CACNB2: variants seen among roughly 807,000 people sequenced by gnomAD.
The protein encoded by CACNB2 is voltage-dependent L-type calcium channel subunit beta-2.
Under a neutral mutation model 73.3 loss-of-function variants are expected in CACNB2, and 42 were observed. That is an observed-to-expected ratio of 0.57 (90% confidence interval 0.45 to 0.74). The LOEUF is 0.74. Among genes scored for constraint, CACNB2 ranks in the 30% least tolerant of loss-of-function variants. The pLI, the probability that CACNB2 is intolerant of heterozygous loss-of-function variation, is 0.00. For missense variants in CACNB2, 940 were observed against 853.0 expected (o/e 1.10, Z -1.27); for synonymous variants, 348 against 310.3 (o/e 1.12, Z -1.28).
At chr10:18,430,182 G>A (rs926081453) in intron 3 of CACNB2, among the ~76,000 whole-genome samples, 18 of 151,516 alleles carry the variant, frequency 1.2e-4, no homozygotes, top group African/African-American at 3.9e-4. Flanking sequence ...AGAAGAAACC[G>A]TGTTTTTTAA....
At chr10:18,147,465 T>G (rs1245744922) in intron 1 of CACNB2, among the ~76,000 whole-genome samples, 1 of 152,132 alleles carries the variant, frequency 6.6e-6, no homozygotes, top group Non-Finnish European at 1.5e-5. Context: ...AATTAGTGAC[T>G]TTTGGGACTC....
chr10:18,359,760 C>G (rs957559364), intron 2 of CACNB2, among the ~76,000 whole-genome samples: 8 of 152,034 alleles, frequency 5.3e-5, no homozygotes, highest in Non-Finnish European at 1.2e-4. Context: ...TCTAGCCCCC[C>G]ACCCCCCAGC....
At chr10:18,253,983 C>T (rs780431383) in intron 2 of CACNB2, among the ~76,000 whole-genome samples, 5 of 152,072 alleles carry the variant, frequency 3.3e-5, no homozygotes, top group South Asian at 2.1e-4. Context: ...TTACATCATA[C>T]GAAGCTGAGG....
chr10:18,451,910 T>G (rs1011636406), intron 3 of CACNB2, among the ~76,000 whole-genome samples: 1 of 152,218 alleles, frequency 6.6e-6, no homozygotes, highest in Non-Finnish European at 1.5e-5. Context: ...GTTGTCTTCA[T>G]AATCTATTGT....
chr10:18,326,479 G>A (rs2131986447), intron 2 of CACNB2, among the ~76,000 whole-genome samples: 1 of 152,308 alleles, frequency 6.6e-6, no homozygotes, highest in East Asian at 1.9e-4. Context: ...GGGAGAAGGA[G>A]CGGGTGGAAG....
chr10:18,535,127 G>C (rs1192473587), intron 11 of CACNB2, among the ~76,000 whole-genome samples: 3 of 152,222 alleles, frequency 2.0e-5, no homozygotes, highest in East Asian at 3.8e-4. Flanking sequence ...TCTGAAGTCA[G>C]TGAACCATTA....
intron 3 of CACNB2, among the ~76,000 whole-genome samples, chr10:18,438,966 G>A (rs1358426790): frequency 6.6e-6 from 1 of 152,252 alleles, no homozygotes; most frequent in Admixed American, 6.5e-5. Flanking sequence ...AATGGCGTAG[G>A]CCAGCACGTG....
At chr10:18,202,898 T>C (rs1316125356) in intron 2 of CACNB2, among the ~76,000 whole-genome samples, 1 of 152,220 alleles carries the variant, frequency 6.6e-6, no homozygotes. Context: ...ACTGACACTG[T>C]ATAATTCAGT....
chr10:18,388,062 CA>C (rs2043309078), intron 2 of CACNB2, among the ~76,000 whole-genome samples: 1 of 152,124 alleles, frequency 6.6e-6, no homozygotes, highest in African/African-American at 2.4e-5. Context: ...TGGCCCAAGC[CA>C]TTTCTCATCC....
chr10:18,492,620 CAA>C (rs371407084), intron 3 of CACNB2, among the ~76,000 whole-genome samples: 3 of 90,498 alleles, frequency 3.3e-5, no homozygotes, highest in Non-Finnish European at 6.2e-5. Context: ...GACTCTGTCT[CAA>C]AAAAAAAAAA....
At chr10:18,519,723 T>A (rs947079610) in intron 9 of CACNB2, 38 of 456,108 alleles carry the variant, frequency 8.3e-5, no homozygotes, top group African/African-American at 7.6e-4. Flanking sequence ...ACAGGAAGAT[T>A]CCTTGAAAGA....
chr10:18,291,052 G>A (rs1294071761), intron 2 of CACNB2, among the ~76,000 whole-genome samples: 1 of 152,198 alleles, frequency 6.6e-6, no homozygotes, highest in African/African-American at 2.4e-5. Context: ...TCATGGAGCG[G>A]TTTCATCAAC....
At chr10:18,247,778 C>A (rs1286725129) in intron 2 of CACNB2, among the ~76,000 whole-genome samples, 1 of 152,122 alleles carries the variant, frequency 6.6e-6, no homozygotes, top group African/African-American at 2.4e-5. Flanking sequence ...AATTTTAGAT[C>A]TTTTACTCCA....
chr10:18,266,517 T>TC (rs2037808889), intron 2 of CACNB2, among the ~76,000 whole-genome samples: 1 of 99,726 alleles, frequency 1.0e-5, no homozygotes, highest in Non-Finnish European at 2.1e-5. Context: ...GGTAGTATAG[T>TC]TTTTTTTTTT....
chr10:18,249,707 G>C (rs1325346986), intron 2 of CACNB2, among the ~76,000 whole-genome samples: 2 of 152,078 alleles, frequency 1.3e-5, no homozygotes, highest in Non-Finnish European at 2.9e-5. Flanking sequence ...AATTTCTCAA[G>C]GGAATTTCAC....
chr10:18,415,301 C>A (rs2044881071), intron 3 of CACNB2, among the ~76,000 whole-genome samples: 1 of 151,848 alleles, frequency 6.6e-6, no homozygotes, highest in Non-Finnish European at 1.5e-5. Context: ...CTCATCTCTA[C>A]AAAAAATAAG....
intron 3 of CACNB2, among the ~76,000 whole-genome samples, chr10:18,486,302 T>C (rs1451714272): frequency 6.6e-6 from 1 of 152,234 alleles, no homozygotes; most frequent in Non-Finnish European, 1.5e-5. Flanking sequence ...TCATTAGTCA[T>C]TGTTTAGGGA....
intron 2 of CACNB2, among the ~76,000 whole-genome samples, chr10:18,333,421 A>T (rs185012311): frequency 3.9e-4 from 59 of 150,150 alleles, no homozygotes; most frequent in African/African-American, 1.4e-3. Flanking sequence ...GCAATAGCTC[A>T]GTTGGAAATT....
intron 2 of CACNB2, among the ~76,000 whole-genome samples, chr10:18,294,678 G>T (rs960196735): frequency 1.3e-5 from 2 of 152,228 alleles, no homozygotes. Flanking sequence ...GGAAATGTGG[G>T]ACTCAAGCAT....
Sources: allele counts gnomAD v4.1 joint callset (sites outside exome capture counted in the v4.1 genomes callset), GRCh38; gene constraint gnomAD v4.1.1; transcripts MANE v1.5; gene names NCBI Gene and HGNC (gene_info 2026-07-23, HGNC 2026-07-21).